BRDT: variants seen among roughly 807,000 people sequenced by gnomAD.
BRDT encodes bromodomain testis associated, also known as bromodomain testis-specific protein.
BRDT carries 77 observed loss-of-function variants against 113.9 expected under a neutral mutation model. That is an observed-to-expected ratio of 0.68 (90% CI 0.56 to 0.82). The LOEUF (loss-of-function observed/expected upper bound fraction) is 0.82, where lower values mean the gene tolerates loss of function less well. BRDT is among the 40% of genes least tolerant of loss of function. The pLI, the probability that BRDT is intolerant of heterozygous loss-of-function variation, is 0.00. For synonymous variants in BRDT, 358 were observed against 366.5 expected (o/e 0.98, Z 0.26); for missense variants, 1,027 against 1,105.4 (o/e 0.93, Z 1.01).
chr1:91,966,764 T>G (rs1214199736), intron 3 of BRDT, among the ~76,000 whole-genome samples: 11 of 152,136 alleles, frequency 7.2e-5, no homozygotes, highest in Admixed American at 5.9e-4. Flanking sequence ...AAGCGAATAG[T>G]TAAGATTGAA....
intron 1 of BRDT, among the ~76,000 whole-genome samples, chr1:91,954,798 A>T (rs1038867855): frequency 6.7e-6 from 1 of 149,592 alleles, no homozygotes; most frequent in Non-Finnish European, 1.5e-5. Flanking sequence ...CATCTCTACT[A>T]AAAAAATTAA....
intron 8 of BRDT, 97 bp from the exon 9 acceptor site, chr1:91,980,546 C>T: frequency 2.8e-6 from 3 of 1,066,088 alleles, no homozygotes; most frequent in Non-Finnish European, 2.5e-6. Context: ...ATGAATTTCA[C>T]AAAAGACATT....
intron 15 of BRDT, among the ~76,000 whole-genome samples, chr1:92,000,651 G>A (rs1431453367): frequency 1.3e-5 from 2 of 152,168 alleles, no homozygotes; most frequent in Non-Finnish European, 2.9e-5. Context: ...GTTTGGGTTA[G>A]TTAACAAAGA....
chr1:91,978,019 A>C, intron 6 of BRDT, 149 bp from the exon 7 acceptor site: 1 of 801,088 alleles, frequency 1.2e-6, no homozygotes, highest in Non-Finnish European at 1.8e-6. Context: ...AAACAAATGT[A>C]GCAAAATTTT....
rs1320689332 is a variant in BRDT at position 91,977,217 on chromosome 1, A to G, written c.793A>G (p.Lys265Glu). ...TTCTCAGCAACAATATAATGTTGTG[A>G]AGACTGTTAAAGTAACTGAACAATT... ...PDSQQQYNVVKTVKVTEQLRH... is the reference protein window; with the variant it reads ...PDSQQQYNVVETVKVTEQLRH... Residue 265 changes from lysine (K) to glutamate (E), a missense_variant, in exon 6 of 19, where the codon AAG (lysine) becomes GAG (glutamate). Transcript: ENST00000399546. 1 of 1,613,908 alleles carries G rather than the reference A, an allele frequency of 6.2e-7. No individual in the cohort carries two copies. Among genetic ancestry groups the G allele is most frequent in the Non-Finnish European group, 8.5e-7 (1 of 1,179,998 alleles).
intron 12 of BRDT, among the ~76,000 whole-genome samples, chr1:91,987,549 G>T (rs1310379289): frequency 6.6e-6 from 1 of 151,728 alleles, no homozygotes; most frequent in African/African-American, 2.4e-5. Context: ...TATTGGCCAG[G>T]CTGGTCTCGA....
intron 6 of BRDT, 179 bp downstream of exon 6, chr1:91,977,572 A>G (rs1423857027): frequency 1.9e-6 from 1 of 536,648 alleles, no homozygotes; most frequent in African/African-American, 1.9e-5. Flanking sequence ...TTCCACTTGA[A>G]CATGTCCATG....
intron 15 of BRDT, among the ~76,000 whole-genome samples, chr1:92,000,769 C>T (rs1686763640): frequency 6.6e-6 from 1 of 152,136 alleles, no homozygotes; most frequent in South Asian, 2.1e-4. Context: ...TTTCACGCAT[C>T]AGGATGTTCC....
At chr1:92,000,849 A>G (rs1022387434) in intron 15 of BRDT, among the ~76,000 whole-genome samples, 3 of 152,222 alleles carry the variant, frequency 2.0e-5, no homozygotes, top group African/African-American at 7.2e-5. Flanking sequence ...TACATAAGCA[A>G]TAGTCCAAAG....
chr1:91,986,936 T>G (rs1186621790), intron 12 of BRDT, among the ~76,000 whole-genome samples: 1 of 72,716 alleles, frequency 1.4e-5, no homozygotes, highest in African/African-American at 3.4e-5. Context: ...TAGACTTTTA[T>G]AAATTCTTTT....
At chr1:91,981,518 A>G in intron 11 of BRDT, 100 bp from the exon 12 acceptor site, 1 of 1,554,960 alleles carries the variant, frequency 6.4e-7, no homozygotes, top group Non-Finnish European at 8.8e-7. Context: ...TGCTGAGATT[A>G]CAGGCATGCG....
At chr1:92,013,236 T>TA (rs543892272) in intron 18 of BRDT, among the ~76,000 whole-genome samples, 1 of 150,892 alleles carries the variant, frequency 6.6e-6, no homozygotes, top group Admixed American at 6.6e-5. Flanking sequence ...AAAAAAAGAT[T>TA]AAAAAAAATG....
intron 12 of BRDT, among the ~76,000 whole-genome samples, chr1:91,983,313 G>A (rs968558810): frequency 1.4e-5 from 2 of 145,760 alleles, no homozygotes; most frequent in Non-Finnish European, 3.0e-5. Context: ...TGCCCAGGCT[G>A]GAGTGCAGTG....
In BRDT at chr1:91,992,214, T is replaced by C. The variant is rs765735698; in HGVS notation, c.2065-50T>C. 9.2e-6 allele frequency: 9 copies of C among 981,192 alleles called. No individual in the cohort carries two copies. The African/African-American group carries it at 1.5e-4, about 17-fold the overall frequency. The allele number at this position is 981,192 out of a possible 1,614,324, so 60.8% of individuals were successfully genotyped here. On this transcript the variant is annotated intron_variant, in intron 13 of 18. Transcript: ENST00000399546. ...TTTGTGAAAAAGAAATATAATCACA[T>C]GGTTAAGAGATAATATGATTAATGC...
chr1:92,011,774 G>A (rs1010549690), intron 18 of BRDT, among the ~76,000 whole-genome samples: 2 of 152,050 alleles, frequency 1.3e-5, no homozygotes, highest in South Asian at 2.1e-4. Context: ...CTAACAACCC[G>A]ACCTTGGATC....
At chr1:91,971,870 C>G (rs181641323) in intron 4 of BRDT, among the ~76,000 whole-genome samples, 1 of 152,264 alleles carries the variant, frequency 6.6e-6, no homozygotes, top group East Asian at 1.9e-4. Flanking sequence ...CCATTTTATT[C>G]CTTTTTGTTA....
Position 92,006,451 on chromosome 1 carries a change from G to C in BRDT, c.2775+1152G>C, listed in dbSNP as rs148775020. Among the ~76,000 whole-genome samples the C allele has an allele frequency of 5.4e-5, 8 of 147,982 alleles. No individual in the cohort carries two copies. The East Asian group carries it at 1.6e-3, about 30-fold the overall frequency. On this transcript the variant is annotated intron_variant, in intron 18 of 18. Coordinates refer to ENST00000399546, the MANE Select transcript of BRDT (RefSeq NM_207189.4). ...CAACATGTAATGGGAGCTTGCTTTT[G>C]TTTGTTTGTTTGTTTGTTTGTTTGT... is the stretch of plus-strand genomic sequence containing the variant.
chr1:91,950,071 C>T (rs1476374718), intron 1 of BRDT: 1 of 152,118 alleles, frequency 6.6e-6, no homozygotes, highest in Non-Finnish European at 1.5e-5. Context: ...CTTTATTAAG[C>T]CCCTGGAACG....
Position 91,981,303 on chromosome 1 carries a change from TCA to T in BRDT, c.1789_1790del (p.Gln597GlufsTer13), listed in dbSNP as rs1684703678. 2 of 1,613,980 alleles carry T rather than the reference TCA, an allele frequency of 1.2e-6. No homozygotes were observed. The highest frequency in any genetic ancestry group is 1.7e-5 in the Admixed American group (1 of 59,976). ...KIMMSKEELH[S>X]QKKQELEKRL... ...AATGATGTCCAAAGAAGAACTTCAC[TCA>T]CAGAAAAAACAGGAATTGGAAAAGC... On this transcript the variant is annotated frameshift_variant, in exon 11 of 19. Coordinates refer to ENST00000399546, the MANE Select transcript of BRDT (RefSeq NM_207189.4). LOFTEE classifies it high-confidence loss of function.
Sources: allele counts gnomAD v4.1 joint callset (sites outside exome capture counted in the v4.1 genomes callset), GRCh38; gene constraint gnomAD v4.1.1; transcripts MANE v1.5; gene names NCBI Gene and HGNC (gene_info 2026-07-23, HGNC 2026-07-21).